CACNA2D3: variants seen among roughly 807,000 people sequenced by gnomAD.
CACNA2D3 encodes calcium voltage-gated channel auxiliary subunit alpha2delta 3.
A neutral mutation model predicts 160.6 loss-of-function variants in CACNA2D3; 60 were observed. That is an observed-to-expected ratio of 0.37 (90% CI 0.30 to 0.46). CACNA2D3 has a LOEUF of 0.46. Ranked by LOEUF, CACNA2D3 falls within the 20% of genes least tolerant of loss-of-function variation. The pLI is 1.00. For missense variants in CACNA2D3, 1,205 were observed against 1,365.0 expected, an observed-to-expected ratio of 0.88 and a Z score of 1.85; for synonymous variants, 558 against 492.9, an observed-to-expected ratio of 1.13 and a Z score of -1.75.
At chr3:54,785,024 C>T (rs1459294245) in intron 13 of CACNA2D3, among the ~76,000 whole-genome samples, 1 of 152,112 alleles carries the variant, frequency 6.6e-6, no homozygotes, top group African/African-American at 2.4e-5. Flanking sequence ...AGTTTACAAA[C>T]AGAACAAATC....
intron 29 of CACNA2D3, among the ~76,000 whole-genome samples, chr3:54,975,643 T>A (rs1219754363): frequency 2.6e-5 from 4 of 152,202 alleles, no homozygotes; most frequent in African/African-American, 9.7e-5. Context: ...CATCATTGTT[T>A]GCTAGGATGT....
chr3:54,787,707 T>C (rs1281039502), intron 13 of CACNA2D3, among the ~76,000 whole-genome samples: 1 of 152,062 alleles, frequency 6.6e-6, no homozygotes, highest in South Asian at 2.1e-4. Flanking sequence ...TGTGGGAAGG[T>C]AAATAGGGAA....
chr3:54,762,928 A>C (rs1702105316), intron 12 of CACNA2D3, among the ~76,000 whole-genome samples: 1 of 152,084 alleles, frequency 6.6e-6, no homozygotes, highest in Non-Finnish European at 1.5e-5. Context: ...TGTCTCTACT[A>C]AAAATACAAA....
intron 4 of CACNA2D3, among the ~76,000 whole-genome samples, chr3:54,502,235 T>C (rs1701306243): frequency 6.6e-6 from 1 of 152,224 alleles, no homozygotes; most frequent in African/African-American, 2.4e-5. Context: ...TTTCCATTCT[T>C]CTCAGTCTGG....
chr3:54,470,927 A>T (rs1700719183), intron 4 of CACNA2D3, among the ~76,000 whole-genome samples: 1 of 152,210 alleles, frequency 6.6e-6, no homozygotes, highest in South Asian at 2.1e-4. Context: ...GTTCTTAGAG[A>T]CCTACAAAGA....
At chr3:54,516,165 TC>T (rs1382211386) in intron 5 of CACNA2D3, among the ~76,000 whole-genome samples, 2 of 152,182 alleles carry the variant, frequency 1.3e-5, no homozygotes, top group Non-Finnish European at 1.5e-5. Flanking sequence ...TAAGGTGCCC[TC>T]TCTCAGGGAT....
intron 27 of CACNA2D3, among the ~76,000 whole-genome samples, chr3:54,909,228 A>G (rs1017140319): frequency 7.2e-5 from 11 of 152,222 alleles, no homozygotes; most frequent in Non-Finnish European, 1.6e-4. Context: ...ACTCTAGCTT[A>G]TAAATCTCTG....
intron 2 of CACNA2D3, among the ~76,000 whole-genome samples, chr3:54,301,569 C>A (rs1057031952): frequency 6.6e-6 from 1 of 152,138 alleles, no homozygotes. Flanking sequence ...AGTAGGAAAT[C>A]ATTTAATATT....
intron 11 of CACNA2D3, among the ~76,000 whole-genome samples, chr3:54,713,691 G>A (rs1301079122): frequency 6.6e-6 from 1 of 152,216 alleles, no homozygotes; most frequent in East Asian, 1.9e-4. Context: ...GGCAGAAACT[G>A]CTAGGTCAGA....
chr3:54,388,149 C>A (rs544689459), intron 4 of CACNA2D3, among the ~76,000 whole-genome samples: 1 of 152,154 alleles, frequency 6.6e-6, no homozygotes, highest in Non-Finnish European at 1.5e-5. Context: ...GTGGCATACC[C>A]CAGAGCTGGC....
At position 54,430,040 on chromosome 3, in the gene CACNA2D3, A is replaced by G. The variant is rs79263611; in HGVS notation, c.381+43266A>G. On this transcript the variant is annotated intron_variant, in intron 4 of 37. Coordinates refer to ENST00000474759, the MANE Select transcript of CACNA2D3 (RefSeq NM_018398.3). The stretch of plus-strand genomic sequence containing the variant: ...TATATTGGAGATGGAAATTGGAAAA[A>G]ATGCAGCATCAAAACACAAAACACT... 3.7e-3 allele frequency among the ~76,000 whole-genome samples: 567 copies of G among 152,336 alleles called. 18 individuals carry two copies. The East Asian group carries it at 0.071, about 19-fold the overall frequency.
intron 2 of CACNA2D3, among the ~76,000 whole-genome samples, chr3:54,191,857 G>A (rs1436788956): frequency 1.3e-5 from 2 of 152,194 alleles, no homozygotes; most frequent in African/African-American, 4.8e-5. Flanking sequence ...AGTCAATGAA[G>A]GGCCCCAAAA....
At chr3:54,498,362 T>C (rs1462538598) in intron 4 of CACNA2D3, among the ~76,000 whole-genome samples, 1 of 151,998 alleles carries the variant, frequency 6.6e-6, no homozygotes, top group Non-Finnish European at 1.5e-5. Flanking sequence ...TTATTGAACT[T>C]ATTGGCATAA....
intron 13 of CACNA2D3, among the ~76,000 whole-genome samples, chr3:54,807,000 TG>T (rs1357866858): frequency 6.6e-6 from 1 of 152,196 alleles, no homozygotes; most frequent in African/African-American, 2.4e-5. Flanking sequence ...TGGCTAGCCA[TG>T]TGGAGAAAGC....
Position 54,751,373 on chromosome 3 carries a change from G to A in CACNA2D3, c.1168-1226G>A, listed in dbSNP as rs1209486168. The stretch of plus-strand genomic sequence containing the variant: ...GGAAGAAACCATTACCTCACAACTA[G>A]CCTTCAAGTTATAATGCCCAGATTA... On this transcript the variant is annotated intron_variant, in intron 11 of 37. Coordinates refer to ENST00000474759, the MANE Select transcript of CACNA2D3 (RefSeq NM_018398.3). Among the ~76,000 whole-genome samples, 7 of 152,110 alleles carry A rather than the reference G, an allele frequency of 4.6e-5. No homozygotes were observed. The East Asian group carries it at 1.2e-3, about 25-fold the overall frequency.
chr3:54,693,872 A>T (rs1700610694), intron 11 of CACNA2D3, among the ~76,000 whole-genome samples: 1 of 152,214 alleles, frequency 6.6e-6, no homozygotes, highest in African/African-American at 2.4e-5. Flanking sequence ...CAGCTGTACG[A>T]TGTGTTTATA....
chr3:54,727,996 T>C (rs1701310329), intron 11 of CACNA2D3, among the ~76,000 whole-genome samples: 1 of 152,236 alleles, frequency 6.6e-6, no homozygotes. Flanking sequence ...TAGTATGTTT[T>C]TTTCTTTAGC....
rs10699574 is a variant in CACNA2D3, at chr3:54,813,863, C to CTTTT, written c.1381-2974_1381-2971dup. 2.1e-3 allele frequency among the ~76,000 whole-genome samples: 254 copies of CTTTT among 121,560 alleles called. 4 individuals carry two copies. The highest frequency in any genetic ancestry group is 7.6e-3 in the African/African-American group (241 of 31,794). The allele number at this position is 121,560 out of a possible 152,430, so 79.7% of individuals were successfully genotyped here. On this transcript the variant is annotated intron_variant, in intron 13 of 37. Transcript: ENST00000474759. Reference sequence around the variant, plus strand: ...AATTCTGCTATTTGGTTATAATATTCTTTTTTTTTTTTTTTTTTTGAGACA... The same window carrying CTTTT: ...AATTCTGCTATTTGGTTATAATATTCTTTTTTTTTTTTTTTTTTTTTTTGAGACA...
At chr3:54,370,008 A>G (rs1698896743) in intron 3 of CACNA2D3, among the ~76,000 whole-genome samples, 1 of 152,168 alleles carries the variant, frequency 6.6e-6, no homozygotes, top group South Asian at 2.1e-4. Context: ...GCCCCTTAAG[A>G]TTAGATGTTC....
Sources: gnomAD v4.1 joint callset for allele counts (sites outside exome capture counted in the v4.1 genomes callset) on GRCh38, gnomAD v4.1.1 for gene constraint, MANE v1.5 for transcripts, NCBI Gene and HGNC (gene_info 2026-07-23, HGNC 2026-07-21) for gene names.